Variants in POF1B observed in about 807,000 individuals in gnomAD.
The protein encoded by POF1B is protein POF1B.
A neutral mutation model predicts 55.3 loss-of-function variants in POF1B; 53 were observed. The observed-to-expected ratio is 0.96, with a 90% CI of 0.77 to 1.20. The LOEUF (loss-of-function observed/expected upper bound fraction) is 1.20, where lower values mean the gene tolerates loss of function less well. Ranked by LOEUF, POF1B falls within the 50% of genes most tolerant of loss-of-function variation. The probability of loss-of-function intolerance (pLI) is 0.00; values close to 1 mark genes in which losing one functional copy is unlikely to be tolerated. For missense variants in POF1B, 478 were observed against 420.5 expected (o/e 1.14, Z -1.20); for synonymous variants, 188 against 148.3 (o/e 1.27, Z -1.95).
At chrX:85,302,443 T>C (rs1411724286) in intron 15 of POF1B, among the ~76,000 whole-genome samples, 1 of 111,377 alleles carries the variant, frequency 9.0e-6, no homozygotes, top group Non-Finnish European at 1.9e-5. Context: ...CAATAACAAA[T>C]GGCAACGAGG....
At chrX:85,323,794 T>C (rs1344784701) in intron 7 of POF1B, among the ~76,000 whole-genome samples, 2 of 110,311 alleles carry the variant, frequency 1.8e-5, no homozygotes, top group Non-Finnish European at 3.8e-5. Flanking sequence ...ATAGTTCCTC[T>C]AGATGTGGTT....
chrX:85,327,383 T>TA (rs1480065923), intron 7 of POF1B, among the ~76,000 whole-genome samples: 18 of 111,964 alleles, frequency 1.6e-4, no homozygotes, highest in Admixed American at 1.2e-3. Context: ...ACCTTCTTTG[T>TA]AATTGCTTAT....
intron 7 of POF1B, among the ~76,000 whole-genome samples, chrX:85,325,643 T>A (rs904706511): frequency 3.5e-4 from 39 of 112,079 alleles, no homozygotes; most frequent in Admixed American, 3.1e-3. Context: ...ATGATCTTTG[T>A]TCCTATCCAT....
In POF1B at chrX:85,308,162, T is replaced by A. The variant is rs1201222890; in HGVS notation, c.1012A>T (p.Ile338Leu). ...TGAAGATGTCCAAGCTCCTCCCGTA[T>A]GTTGCTAAATGTGGACAGCACTAGT... ...LRLVLSTFSN[I>L]REELGHLQND... is the part of the protein sequence containing the mutation. Residue 338 changes from isoleucine (I) to leucine (L), a missense_variant, in exon 10 of 17, where the codon ATA (isoleucine) becomes TTA (leucine). Ile to Leu is a conservative substitution (Grantham distance 5, BLOSUM62 2). Transcript: ENST00000262753. 1 of 1,194,362 alleles carries A rather than the reference T, an allele frequency of 8.4e-7. No individual in the cohort carries two copies. Among genetic ancestry groups the A allele is most frequent in the African/African-American group, 1.7e-5 (1 of 57,481 alleles).
At chrX:85,309,467 A>T (rs1169622825) in intron 9 of POF1B, among the ~76,000 whole-genome samples, 2 of 111,737 alleles carry the variant, frequency 1.8e-5, no homozygotes, top group Non-Finnish European at 3.8e-5. Flanking sequence ...AAAAGACCCA[A>T]ATTGGTGAAA....
intron 4 of POF1B, among the ~76,000 whole-genome samples, chrX:85,354,691 T>A (rs887897602): frequency 1.8e-5 from 2 of 110,529 alleles, no homozygotes; most frequent in African/African-American, 6.6e-5. Context: ...AAATCATGAG[T>A]GAACTCCCAT....
intron 15 of POF1B, among the ~76,000 whole-genome samples, chrX:85,283,711 G>GA (rs1481941241): frequency 9.1e-6 from 1 of 109,452 alleles, no homozygotes; most frequent in African/African-American, 3.3e-5. Context: ...CAGTGAACGT[G>GA]AAAAAAAGAA....
Position 85,304,480 on chromosome X carries a change from T to A in POF1B, c.1438-9A>T. 9.6e-7 allele frequency: 1 copy of A among 1,044,405 alleles called. No homozygotes were observed. Among genetic ancestry groups the A allele is most frequent in the Non-Finnish European group, 1.3e-6 (1 of 791,077 alleles). 86.1% of individuals were successfully genotyped at this position (1,044,405 alleles called of 1,213,427 possible). ...TACTGGTTTAATTGGGACTAAGGAT[T>A]TAAAAAGAAATAAATATTATTATAA... On this transcript the variant is annotated splice_polypyrimidine_tract_variant and intron_variant, in intron 13 of 16. Transcript: ENST00000262753.
rs1181637687 is a variant in POF1B, at chrX:85,303,253, A to T, written c.1649+153T>A. Reference sequence around the variant, plus strand: ...CAGGATTTTTTTGACCACAATAGTGATGTCTTTTTGTGAATATTCATTCTT... The same window carrying T: ...CAGGATTTTTTTGACCACAATAGTGTTGTCTTTTTGTGAATATTCATTCTT... On this transcript the variant is annotated intron_variant, in intron 15 of 16. Transcript: ENST00000262753. 1.3e-4 allele frequency among the ~76,000 whole-genome samples: 14 copies of T among 111,288 alleles called. No individual in the cohort carries two copies. In the Admixed American group the frequency reaches 1.3e-3, roughly 11 times the overall value.
rs181637096 is a variant in POF1B at position 85,370,531 on chromosome X, A to G, written c.283-2765T>C. ...GTTGAACAGCATGAATTTAAATTGCATCAGTATGGATTTAGGCTGATCATA... is the reference window on the plus strand; with the variant it reads ...GTTGAACAGCATGAATTTAAATTGCGTCAGTATGGATTTAGGCTGATCATA... On this transcript the variant is annotated intron_variant, in intron 2 of 16. Transcript: ENST00000262753. Among the ~76,000 whole-genome samples the G allele has an allele frequency of 2.7e-3, 307 of 111,913 alleles. 1 individual carries two copies. The highest frequency in any genetic ancestry group is 0.018 in the Middle Eastern group (4 of 218).
At chrX:85,364,965 T>C (rs1235886634) in intron 3 of POF1B, among the ~76,000 whole-genome samples, 1 of 111,859 alleles carries the variant, frequency 8.9e-6, no homozygotes, top group Non-Finnish European at 1.9e-5. Flanking sequence ...CTTTTTTTTC[T>C]TTATTTTTGT....
intron 5 of POF1B, among the ~76,000 whole-genome samples, chrX:85,348,779 T>C (rs769563816): frequency 3.5e-4 from 39 of 111,646 alleles, no homozygotes; most frequent in Non-Finnish European, 6.8e-4. Flanking sequence ...AAGGAGCTAG[T>C]CTTTAGTTGT....
chrX:85,284,686 C>G (rs1293432172), intron 15 of POF1B, among the ~76,000 whole-genome samples: 3 of 111,590 alleles, frequency 2.7e-5, no homozygotes, highest in Admixed American at 9.5e-5. Flanking sequence ...AATGTTAGAC[C>G]TAAAACCATA....
intron 7 of POF1B, among the ~76,000 whole-genome samples, chrX:85,321,345 A>G (rs1233814102): frequency 9.0e-6 from 1 of 111,142 alleles, no homozygotes; most frequent in African/African-American, 3.3e-5. Flanking sequence ...CCAAAACCAC[A>G]TGATTATCTC....
intron 3 of POF1B, among the ~76,000 whole-genome samples, chrX:85,366,017 C>G (rs778213174): frequency 9.0e-6 from 1 of 111,041 alleles, no homozygotes. Flanking sequence ...TCAATGAGAA[C>G]AAAATCACAC....
intron 4 of POF1B, among the ~76,000 whole-genome samples, chrX:85,356,422 A>T (rs187840995): frequency 8.2e-5 from 9 of 109,775 alleles, no homozygotes; most frequent in African/African-American, 3.0e-4. Flanking sequence ...AAACCTGCAC[A>T]TTGTGCACAT....
At chrX:85,342,775 C>A (rs1346063454) in intron 6 of POF1B, among the ~76,000 whole-genome samples, 1 of 111,462 alleles carries the variant, frequency 9.0e-6, no homozygotes, top group African/African-American at 3.3e-5. Context: ...GCGCATCACT[C>A]TTTAAAGATA....
chrX:85,303,964 C>T (rs929789774), intron 14 of POF1B, among the ~76,000 whole-genome samples: 1 of 111,002 alleles, frequency 9.0e-6, no homozygotes, highest in African/African-American at 3.3e-5. Context: ...CCTTCAGTAC[C>T]TATTGAATGC....
intron 6 of POF1B, among the ~76,000 whole-genome samples, chrX:85,339,954 T>C (rs1933142723): frequency 9.0e-6 from 1 of 110,978 alleles, no homozygotes; most frequent in African/African-American, 3.3e-5. Context: ...ATGCAGATTA[T>C]CAGGCCCCAG....
Sources: gnomAD v4.1 joint callset for allele counts (sites outside exome capture counted in the v4.1 genomes callset) on GRCh38, gnomAD v4.1.1 for gene constraint, MANE v1.5 for transcripts, NCBI Gene and HGNC (gene_info 2026-07-23, HGNC 2026-07-21) for gene names.